Variants in ENTREP2 observed in about 807,000 individuals in gnomAD.
ENTREP2 encodes endosomal transmembrane epsin interactor 2, also known as protein ENTREP2.
At chr15:29,388,516 T>A in the ENTREP2 span, among the ~76,000 whole-genome samples, 1 of 152,200 alleles carries the variant, frequency 6.6e-6, no homozygotes, top group South Asian at 2.1e-4. Context: ...TACACTGTTG[T>A]GGGACTGTAA....
the ENTREP2 span, among the ~76,000 whole-genome samples, chr15:29,180,539 C>CCTAT: frequency 6.6e-6 from 1 of 152,204 alleles, no homozygotes; most frequent in South Asian, 2.1e-4. Flanking sequence ...TGGCACACGG[C>CCTAT]TGTGATCCCA....
chr15:29,363,809 A>C, the ENTREP2 span, among the ~76,000 whole-genome samples: 1 of 152,224 alleles, frequency 6.6e-6, no homozygotes, highest in Non-Finnish European at 1.5e-5. Flanking sequence ...TTATGCATAA[A>C]GTAAGGGCTG....
chr15:29,186,136 A>G, the ENTREP2 span, among the ~76,000 whole-genome samples: 1 of 152,060 alleles, frequency 6.6e-6, no homozygotes. Context: ...TGGGTCTACT[A>G]ATATCTATGC....
chr15:29,657,494 G>C, the ENTREP2 span, among the ~76,000 whole-genome samples: 4 of 128,590 alleles, frequency 3.1e-5, 1 homozygote, highest in East Asian at 1.0e-3. Context: ...GGGGGGGGGG[G>C]GTGGCCAGCT....
the ENTREP2 span, among the ~76,000 whole-genome samples, chr15:29,190,613 C>T: frequency 2.0e-5 from 3 of 152,082 alleles, no homozygotes; most frequent in African/African-American, 7.2e-5. Flanking sequence ...GGGAGGGTGC[C>T]TGACAGGAAG....
At chr15:29,334,842 T>A in the ENTREP2 span, among the ~76,000 whole-genome samples, 1 of 152,170 alleles carries the variant, frequency 6.6e-6, no homozygotes, top group Non-Finnish European at 1.5e-5. Flanking sequence ...CAAGTATCAC[T>A]CACGTGGTGA....
the ENTREP2 span, among the ~76,000 whole-genome samples, chr15:29,213,930 A>G: frequency 6.6e-6 from 1 of 152,224 alleles, no homozygotes; most frequent in Non-Finnish European, 1.5e-5. Flanking sequence ...CAACAGACAC[A>G]TGAAAAAATG....
At chr15:29,142,610 C>T in the ENTREP2 span, among the ~76,000 whole-genome samples, 3 of 152,206 alleles carry the variant, frequency 2.0e-5, no homozygotes, top group Non-Finnish European at 4.4e-5. Flanking sequence ...CACCGCTTAA[C>T]CAGCTCCATG....
the ENTREP2 span, among the ~76,000 whole-genome samples, chr15:29,630,167 G>A: frequency 6.6e-6 from 1 of 151,984 alleles, no homozygotes; most frequent in Non-Finnish European, 1.5e-5. Context: ...TAAATCTGAT[G>A]GCAACAAATT....
the ENTREP2 span, among the ~76,000 whole-genome samples, chr15:29,439,928 G>A: frequency 1.3e-5 from 2 of 152,158 alleles, no homozygotes; most frequent in African/African-American, 4.8e-5. Flanking sequence ...TTGACATCAT[G>A]ATATGATGTG....
the ENTREP2 span, among the ~76,000 whole-genome samples, chr15:29,538,872 T>C: frequency 6.6e-6 from 1 of 152,094 alleles, no homozygotes; most frequent in Non-Finnish European, 1.5e-5. Context: ...AATCTAAAAT[T>C]GTGTTTGTTC....
the ENTREP2 span, among the ~76,000 whole-genome samples, chr15:29,134,121 A>G: frequency 6.6e-6 from 1 of 152,186 alleles, no homozygotes; most frequent in South Asian, 2.1e-4. Flanking sequence ...TGCTGATGAC[A>G]ACTATTATCA....
At chr15:29,439,527 C>T in the ENTREP2 span, among the ~76,000 whole-genome samples, 1 of 151,990 alleles carries the variant, frequency 6.6e-6, no homozygotes, top group Admixed American at 6.6e-5. Flanking sequence ...AAAAGAATTC[C>T]AAATCAGAAA....
chr15:29,234,219 C>T, the ENTREP2 span: 1 of 1,610,326 alleles, frequency 6.2e-7, no homozygotes, highest in Non-Finnish European at 8.5e-7. Flanking sequence ...AAACGCTTAA[C>T]TGGTGGTTGT....
the ENTREP2 span, among the ~76,000 whole-genome samples, chr15:29,377,798 G>A: frequency 2.7e-5 from 4 of 146,532 alleles, no homozygotes; most frequent in Admixed American, 2.8e-4. Context: ...TCCAGCCTGG[G>A]CAACAGAGTG....
chr15:29,478,125 C>T, the ENTREP2 span, among the ~76,000 whole-genome samples: 3 of 147,164 alleles, frequency 2.0e-5, no homozygotes, highest in South Asian at 2.2e-4. Context: ...CCCGGGTTCA[C>T]GCCATTCTCC....
At chr15:29,292,679 C>T in the ENTREP2 span, among the ~76,000 whole-genome samples, 3 of 152,162 alleles carry the variant, frequency 2.0e-5, no homozygotes, top group African/African-American at 7.2e-5. Flanking sequence ...CTGCGCCCAG[C>T]AATGCGTTTT....
chr15:29,490,869 C>T, the ENTREP2 span, among the ~76,000 whole-genome samples: 16 of 152,238 alleles, frequency 1.1e-4, no homozygotes, highest in African/African-American at 3.9e-4. Context: ...CTCCAGGCGC[C>T]TGCTCTCCTC....
chr15:29,563,775 T>C, the ENTREP2 span, among the ~76,000 whole-genome samples: 1 of 151,870 alleles, frequency 6.6e-6, no homozygotes, highest in Non-Finnish European at 1.5e-5. Context: ...AGGCTGAGGA[T>C]GTAGTGAGCC....
Sources: allele counts gnomAD v4.1 joint callset (sites outside exome capture counted in the v4.1 genomes callset), GRCh38; gene constraint gnomAD v4.1.1; transcripts MANE v1.5; gene names NCBI Gene and HGNC (gene_info 2026-07-23, HGNC 2026-07-21).